Variants in ATP5F1E observed in about 807,000 individuals in gnomAD.
ATP5F1E encodes ATP synthase F(1) complex subunit epsilon, mitochondrial.
A neutral mutation model predicts 7.0 loss-of-function variants in ATP5F1E; 5 were observed. The observed-to-expected ratio is 0.71, with a 90% confidence interval of 0.37 to 1.49. The LOEUF (loss-of-function observed/expected upper bound fraction) is 1.49. Among genes scored for constraint, ATP5F1E ranks in the 40% most tolerant of loss-of-function variants. ATP5F1E has a pLI of 0.03. For missense variants in ATP5F1E, 59 were observed against 57.1 expected, an observed-to-expected ratio of 1.03 and a Z score of -0.11; for synonymous variants, 20 against 20.1, an observed-to-expected ratio of 0.99 and a Z score of 0.02.
In ATP5F1E at chr20:59,028,843, T is replaced by G. The variant is rs1316866541; in HGVS notation, c.*4-2A>C. ...AGCATTTCAAGCTTTAGTCAGGGTC[T>G]AGGAGGAAAAAGAAAATGCAAGTTG... On this transcript the variant is annotated splice_acceptor_variant, in intron 2 of 2. Transcript: ENST00000243997. LOFTEE classifies it low-confidence loss of function (3UTR_SPLICE). 6.0e-6 allele frequency: 1 copy of G among 167,234 alleles called. No individual in the cohort carries two copies. The highest frequency in any genetic ancestry group is 1.5e-5 in the Non-Finnish European group (1 of 68,248). 10.4% of individuals were successfully genotyped at this position (167,234 alleles called of 1,614,324 possible). A position where few individuals can be genotyped will look rare whatever the true frequency, so the allele number is the denominator to read the frequency against.
In ATP5F1E at chr20:59,026,969, A is replaced by C. The variant is rs1454962995; in HGVS notation, c.*1876T>G. ...GTGGGATACTCATTAAGTTGGTCTGACTGGGGTCACCTCATCACTGGGCAC... is the reference window on the plus strand; with the variant it reads ...GTGGGATACTCATTAAGTTGGTCTGCCTGGGGTCACCTCATCACTGGGCAC... On this transcript the variant is annotated 3_prime_UTR_variant, in exon 3 of 3. Transcript: ENST00000243997. 2 of 152,224 alleles carry C rather than the reference A, an allele frequency of 1.3e-5. No homozygotes were observed. Among genetic ancestry groups the C allele is most frequent in the African/African-American group, 4.8e-5 (2 of 41,448 alleles). The allele number at this position is 152,224 out of a possible 1,614,324, so 9.4% of individuals were successfully genotyped here.
At chr20:59,031,765 G>C (rs1330922357) in intron 1 of ATP5F1E, among the ~76,000 whole-genome samples, 1 of 152,228 alleles carries the variant, frequency 6.6e-6, no homozygotes, top group Non-Finnish European at 1.5e-5. Context: ...AATGTGTAAA[G>C]TTGTAAAAGG....
Position 59,032,241 on chromosome 20 carries a change from T to G in ATP5F1E, c.11A>C (p.Tyr4Ser), listed in dbSNP as rs373113507. 1.3e-6 allele frequency: 2 copies of G among 1,599,984 alleles called. No individual in the cohort carries two copies. The highest frequency in any genetic ancestry group is 2.7e-5 in the African/African-American group (2 of 74,926). MVA[Y>S]WRQAGLSYIR... ...CTACCTGAGTCCAGCCTGTCTCCAG[T>G]AGGCCACCATGCTGTAGCGAAAGCG... is the stretch of plus-strand genomic sequence containing the variant. Residue 4 changes from tyrosine to serine, a missense_variant, in exon 1 of 3, where the codon TAC becomes TCC. Coordinates refer to ENST00000243997, the MANE Select transcript of ATP5F1E (RefSeq NM_006886.4).
At chr20:59,031,595 C>T (rs1448525919) in intron 1 of ATP5F1E, among the ~76,000 whole-genome samples, 1 of 152,212 alleles carries the variant, frequency 6.6e-6, no homozygotes, top group Non-Finnish European at 1.5e-5. Flanking sequence ...CAATGGTTTG[C>T]GGTTCCACTA....
Position 59,025,683 on chromosome 20 carries a change from G to C in ATP5F1E, c.*3162C>G, listed in dbSNP as rs1027070385. 1.3e-5 allele frequency: 2 copies of C among 152,316 alleles called. No homozygotes were observed. The highest frequency in any genetic ancestry group is 2.1e-4 in the South Asian group (1 of 4,828). The allele number at this position is 152,316 out of a possible 1,614,324, so 9.4% of individuals were successfully genotyped here. On this transcript the variant is annotated 3_prime_UTR_variant, in exon 3 of 3. Transcript: ENST00000243997. ...CAGCCTCTCTGCTCTTTGAGAAAGGGCACACCATGCGCTCGGCAACCATTC... is the reference window on the plus strand; with the variant it reads ...CAGCCTCTCTGCTCTTTGAGAAAGGCCACACCATGCGCTCGGCAACCATTC...
Position 59,026,613 on chromosome 20 carries a change from G to C in ATP5F1E, c.*2232C>G, listed in dbSNP as rs1361667941. On this transcript the variant is annotated 3_prime_UTR_variant, in exon 3 of 3. Transcript: ENST00000243997. ...TAATTCAATTTTAAATGGCAAAATT[G>C]CTTTATTTCAGACTAAATAAATTCC... The C allele has an allele frequency of 6.6e-6, 1 of 152,138 alleles. No individual in the cohort carries two copies. The highest frequency in any genetic ancestry group is 1.5e-5 in the Non-Finnish European group (1 of 68,022). The allele number at this position is 152,138 out of a possible 1,614,324, so 9.4% of individuals were successfully genotyped here.
chr20:59,030,567 T>C, intron 1 of ATP5F1E, 138 bp from the exon 2 acceptor site: 5 of 1,067,436 alleles, frequency 4.7e-6, no homozygotes, highest in Non-Finnish European at 6.9e-6. Context: ...TTTAAAAATA[T>C]GACTAATGCC....
intron 1 of ATP5F1E, among the ~76,000 whole-genome samples, chr20:59,031,000 G>C (rs2092024275): frequency 6.6e-6 from 1 of 152,228 alleles, no homozygotes; most frequent in South Asian, 2.1e-4. Flanking sequence ...AGTGCTTAGA[G>C]AACATCATCA....
chr20:59,032,186 C>G (rs764841467), intron 1 of ATP5F1E, 34 bp downstream of exon 1: 2 of 1,558,280 alleles, frequency 1.3e-6, no homozygotes, highest in Non-Finnish European at 1.7e-6. Flanking sequence ...CGGGCCGGCT[C>G]GCGAAGCCCT....
At position 59,028,278 on chromosome 20, in the gene ATP5F1E, A is replaced by C. The variant is rs918340104; in HGVS notation, c.*567T>G. On this transcript the variant is annotated 3_prime_UTR_variant, in exon 3 of 3. Coordinates refer to ENST00000243997, the MANE Select transcript of ATP5F1E (RefSeq NM_006886.4). ...AGATTCATTTACAAAACAATGTGAAAAACACTTTGTGCTTAAATTCTGTAA... is the reference window on the plus strand; with the variant it reads ...AGATTCATTTACAAAACAATGTGAACAACACTTTGTGCTTAAATTCTGTAA... 1 of 152,258 alleles carries C rather than the reference A, an allele frequency of 6.6e-6. No homozygotes were observed. Among genetic ancestry groups the C allele is most frequent in the Admixed American group, 6.5e-5 (1 of 15,286 alleles). 9.4% of individuals were successfully genotyped at this position (152,258 alleles called of 1,614,324 possible).
chr20:59,030,952 A>G (rs1050682771), intron 1 of ATP5F1E, among the ~76,000 whole-genome samples: 1 of 152,256 alleles, frequency 6.6e-6, no homozygotes, highest in Non-Finnish European at 1.5e-5. Context: ...TGCCACTGAA[A>G]ATAACCTCCT....
At chr20:59,031,307 A>G (rs936659288) in intron 1 of ATP5F1E, among the ~76,000 whole-genome samples, 6 of 152,238 alleles carry the variant, frequency 3.9e-5, no homozygotes, top group Admixed American at 2.6e-4. Flanking sequence ...TCCTGCTGAT[A>G]GCTGGGAGGA....
In ATP5F1E at chr20:59,032,219, C is replaced by T. The variant is rs572693633; in HGVS notation, c.32+1G>A. 6.3e-7 allele frequency: 1 copy of T among 1,586,178 alleles called. No homozygotes were observed. The highest frequency in any genetic ancestry group is 8.6e-7 in the Non-Finnish European group (1 of 1,167,640). On this transcript the variant is annotated splice_donor_variant, in intron 1 of 2. Coordinates refer to ENST00000243997, the MANE Select transcript of ATP5F1E (RefSeq NM_006886.4). LOFTEE classifies it high-confidence loss of function. ...CCTTCCCTCTGGAGGCCTGGGCCTA[C>T]CTGAGTCCAGCCTGTCTCCAGTAGG...
chr20:59,032,214 G>T lies in ATP5F1E; in HGVS notation c.32+6C>A. 6.3e-7 allele frequency: 1 copy of T among 1,580,490 alleles called. No homozygotes were observed. The highest frequency in any genetic ancestry group is 1.2e-5 in the South Asian group (1 of 86,604). On this transcript the variant is annotated splice_donor_region_variant and intron_variant, in intron 1 of 2. Coordinates refer to ENST00000243997, the MANE Select transcript of ATP5F1E (RefSeq NM_006886.4). Reference sequence around the variant, plus strand: ...GAAGCCCTTCCCTCTGGAGGCCTGGGCCTACCTGAGTCCAGCCTGTCTCCA... The same window carrying T: ...GAAGCCCTTCCCTCTGGAGGCCTGGTCCTACCTGAGTCCAGCCTGTCTCCA...
rs2091990711 is a variant in ATP5F1E, at chr20:59,025,671, CTT to C, written c.*3172_*3173del. ...CAAAATGCTCTGCAGCCTCTCTGCTCTTTGAGAAAGGGCACACCATGCGCTCG... is the reference window on the plus strand; with the variant it reads ...CAAAATGCTCTGCAGCCTCTCTGCTCTGAGAAAGGGCACACCATGCGCTCG... On this transcript the variant is annotated 3_prime_UTR_variant, in exon 3 of 3. Transcript: ENST00000243997. The C allele has an allele frequency of 1.3e-5, 2 of 152,236 alleles. No homozygotes were observed. Among genetic ancestry groups the C allele is most frequent in the South Asian group, 4.1e-4 (2 of 4,836 alleles). The allele number at this position is 152,236 out of a possible 1,614,324, so 9.4% of individuals were successfully genotyped here. A position where few individuals can be genotyped will look rare whatever the true frequency, so the allele number is the denominator to read the frequency against.
chr20:59,032,153 A>T, intron 1 of ATP5F1E, 67 bp downstream of exon 1: 1 of 1,551,540 alleles, frequency 6.4e-7, no homozygotes, highest in Non-Finnish European at 8.7e-7. Context: ...GTCCTGCATG[A>T]CCTCTGGGCA....
At chr20:59,032,155 C>T (rs1219405739) in intron 1 of ATP5F1E, 65 bp downstream of exon 1, 13 of 1,556,022 alleles carry the variant, frequency 8.4e-6, no homozygotes, top group Admixed American at 1.9e-5. Flanking sequence ...CCTGCATGAC[C>T]TCTGGGCACC....
Position 59,030,419 on chromosome 20 carries a change from A to G in ATP5F1E, c.43T>C (p.Tyr15His), listed in dbSNP as rs1253432068. Residue 15 changes from tyrosine (Y) to histidine (H), a missense_variant, in exon 2 of 3, where the codon TAC (tyrosine) becomes CAC (histidine). Coordinates refer to ENST00000243997, the MANE Select transcript of ATP5F1E (RefSeq NM_006886.4). ...ACTGCTTTTGCACAGATCTGGGAGT[A>G]TCGGATGTAGCTGGGAGAAAATGAG... ...WRQAGLSYIR[Y>H]SQICAKAVRD... 1 of 1,613,828 alleles carries G rather than the reference A, an allele frequency of 6.2e-7. No individual in the cohort carries two copies. Among genetic ancestry groups the G allele is most frequent in the East Asian group, 2.2e-5 (1 of 44,826 alleles).
At chr20:59,030,195 T>C (rs1215968580) in intron 2 of ATP5F1E, 108 bp downstream of exon 2, 2 of 1,431,710 alleles carry the variant, frequency 1.4e-6, no homozygotes, top group Non-Finnish European at 1.9e-6. Flanking sequence ...AACTTCCAAA[T>C]ACACTGACTA....
Sources: gnomAD v4.1 joint callset for allele counts (sites outside exome capture counted in the v4.1 genomes callset) on GRCh38, gnomAD v4.1.1 for gene constraint, MANE v1.5 for transcripts, NCBI Gene and HGNC (gene_info 2026-07-23, HGNC 2026-07-21) for gene names.